The following KPNA3 variants were observed in gnomAD, a reference collection of about 807,000 sequenced individuals.
The protein encoded by KPNA3 is karyopherin subunit alpha 3.
A neutral mutation model predicts 73.8 loss-of-function variants in KPNA3; 13 were observed. That is an observed-to-expected ratio of 0.18 (90% CI 0.11 to 0.28). The LOEUF is 0.28. Ranked by LOEUF, KPNA3 falls within the 10% of genes least tolerant of loss-of-function variation. KPNA3 has a pLI of 1.00. For synonymous variants in KPNA3, 186 were observed against 206.9 expected (o/e 0.90, Z 0.87); for missense variants, 360 against 618.1 (o/e 0.58, Z 4.43).
chr13:49,740,675 A>G (rs1954565689), intron 2 of KPNA3, among the ~76,000 whole-genome samples: 1 of 152,316 alleles, frequency 6.6e-6, no homozygotes. Context: ...TAAATTGCCC[A>G]GTTTCAGGTA....
At chr13:49,775,162 CAAAAAAAAAAAAAAA>C (rs60494803) in intron 1 of KPNA3, among the ~76,000 whole-genome samples, 35,080 of 96,196 alleles carry the variant, frequency 0.36, 5,459 homozygotes, top group Admixed American at 0.48. Context: ...GACTCTGTCT[CAAAAAAAAAAAAAAA>C]AAAAAAAAAG....
intron 15 of KPNA3, 77 bp downstream of exon 15, chr13:49,705,544 T>C: frequency 7.1e-7 from 1 of 1,404,564 alleles, no homozygotes; most frequent in Admixed American, 2.0e-5. Context: ...ATTTTCTGTC[T>C]AGTAAGTTGA....
At chr13:49,712,672 GA>G (rs1425641326) in intron 10 of KPNA3, among the ~76,000 whole-genome samples, 2 of 152,000 alleles carry the variant, frequency 1.3e-5, no homozygotes, top group Non-Finnish European at 2.9e-5. Context: ...TAAAAAATGG[GA>G]GGTTGAGGCA....
intron 1 of KPNA3, among the ~76,000 whole-genome samples, chr13:49,791,680 G>C (rs1190038664): frequency 6.6e-6 from 1 of 151,904 alleles, no homozygotes; most frequent in Non-Finnish European, 1.5e-5. Context: ...AAGAAAACAA[G>C]TCCTATGAGC....
chr13:49,705,549 A>G (rs1402317659), intron 15 of KPNA3, 72 bp downstream of exon 15: 4 of 1,451,488 alleles, frequency 2.8e-6, no homozygotes, highest in Non-Finnish European at 3.8e-6. Context: ...CTGTCTAGTA[A>G]GTTGACTTTA....
intron 1 of KPNA3, among the ~76,000 whole-genome samples, chr13:49,762,046 C>CAT (rs1954768377): frequency 6.6e-6 from 1 of 150,852 alleles, no homozygotes; most frequent in African/African-American, 2.4e-5. Context: ...CGCCCGGCAG[C>CAT]CGCCCCGTCT....
intron 6 of KPNA3, among the ~76,000 whole-genome samples, chr13:49,727,552 T>A (rs1486202442): frequency 6.6e-6 from 1 of 151,614 alleles, no homozygotes; most frequent in African/African-American, 2.4e-5. Context: ...AATAGTGATA[T>A]ACAGGTTAAA....
intron 15 of KPNA3, among the ~76,000 whole-genome samples, chr13:49,703,335 T>C (rs1172434767): frequency 1.3e-5 from 2 of 151,288 alleles, no homozygotes; most frequent in Non-Finnish European, 2.9e-5. Flanking sequence ...TGCCCACCAC[T>C]ATGCCCAGCT....
chr13:49,790,300 C>T (rs1452929453), intron 1 of KPNA3, among the ~76,000 whole-genome samples: 1 of 152,112 alleles, frequency 6.6e-6, no homozygotes, highest in East Asian at 1.9e-4. Context: ...GACCCCGTCT[C>T]TAAAAAAGAT....
chr13:49,754,065 G>C (rs868283206), intron 1 of KPNA3, among the ~76,000 whole-genome samples: 2 of 152,336 alleles, frequency 1.3e-5, no homozygotes, highest in Middle Eastern at 6.8e-3. Flanking sequence ...GGGAAACTGA[G>C]GCGGGTGGAG....
chr13:49,710,353 A>G (rs563307293), intron 11 of KPNA3, among the ~76,000 whole-genome samples: 1 of 152,228 alleles, frequency 6.6e-6, no homozygotes, highest in Non-Finnish European at 1.5e-5. Flanking sequence ...AACAGATCTA[A>G]TAAGTGCCTA....
In KPNA3 at chr13:49,704,420, AAATAAATAAAT is replaced by A. The variant is rs1331084553; in HGVS notation, c.1372+1190_1372+1200del. On this transcript the variant is annotated intron_variant, in intron 15 of 16. Coordinates refer to ENST00000261667, the MANE Select transcript of KPNA3 (RefSeq NM_002267.4). ...AGAGCGAAACTCTGTCTCAAAAAAA[AAATAAATAAAT>A]AAAAAATAAATAAATAAATAAATAA... is the stretch of plus-strand genomic sequence containing the variant. Among the ~76,000 whole-genome samples the A allele has an allele frequency of 8.8e-3, 959 of 109,364 alleles. 10 individuals carry two copies. The highest frequency in any genetic ancestry group is 0.034 in the South Asian group (87 of 2,588). The allele number at this position is 109,364 out of a possible 152,430, so 71.7% of individuals were successfully genotyped here.
At position 49,745,009 on chromosome 13, in the gene KPNA3, T is replaced by C. The variant is rs117869299; in HGVS notation, c.114+1940A>G. Among the ~76,000 whole-genome samples, 3 of 152,336 alleles carry C rather than the reference T, an allele frequency of 2.0e-5. No homozygotes were observed. In the East Asian group the frequency reaches 5.8e-4, roughly 29 times the overall value. On this transcript the variant is annotated intron_variant, in intron 2 of 16. Transcript: ENST00000261667. ...CTCACTCTGTTAACTTTCATGGCTA[T>C]TTTTCCTCCATAGCATCATCCACAA...
At chr13:49,775,536 T>C (rs1029542357) in intron 1 of KPNA3, among the ~76,000 whole-genome samples, 1 of 152,158 alleles carries the variant, frequency 6.6e-6, no homozygotes, top group Admixed American at 6.5e-5. Flanking sequence ...CTTTAAAAAA[T>C]ATTTGTTTCT....
chr13:49,707,604 A>G (rs993657889), intron 12 of KPNA3, among the ~76,000 whole-genome samples: 1 of 152,070 alleles, frequency 6.6e-6, no homozygotes, highest in Non-Finnish European at 1.5e-5. Context: ...ACTTAAAAGC[A>G]TACTACATCA....
At chr13:49,731,877 A>C (rs576988823) in intron 6 of KPNA3, among the ~76,000 whole-genome samples, 1 of 152,224 alleles carries the variant, frequency 6.6e-6, no homozygotes, top group Non-Finnish European at 1.5e-5. Context: ...GCAGCAAACA[A>C]AAAGTCTGAC....
At chr13:49,739,035 T>C (rs1047771723) in intron 2 of KPNA3, among the ~76,000 whole-genome samples, 6 of 152,224 alleles carry the variant, frequency 3.9e-5, no homozygotes, top group African/African-American at 1.4e-4. Flanking sequence ...AATGAGTAAC[T>C]GATATGATCA....
intron 2 of KPNA3, among the ~76,000 whole-genome samples, chr13:49,744,734 A>G (rs1168551897): frequency 6.6e-6 from 1 of 152,164 alleles, no homozygotes; most frequent in Non-Finnish European, 1.5e-5. Context: ...TTTAGTAAAT[A>G]TATACTACAA....
At chr13:49,703,270 C>T (rs548208553) in intron 15 of KPNA3, among the ~76,000 whole-genome samples, 1 of 150,800 alleles carries the variant, frequency 6.6e-6, no homozygotes, top group Non-Finnish European at 1.5e-5. Flanking sequence ...GCAACCTCCA[C>T]CTCCTGGGTT....
Sources: gnomAD v4.1 joint callset for allele counts (sites outside exome capture counted in the v4.1 genomes callset) on GRCh38, gnomAD v4.1.1 for gene constraint, MANE v1.5 for transcripts, NCBI Gene and HGNC (gene_info 2026-07-23, HGNC 2026-07-21) for gene names.